EPB41L3: variants seen among roughly 807,000 people sequenced by gnomAD.
EPB41L3 encodes the protein band 4.1-like protein 3.
A neutral mutation model predicts 127.1 loss-of-function variants in EPB41L3; 57 were observed. That is an observed-to-expected ratio of 0.45 (90% CI 0.36 to 0.56). The LOEUF is 0.56. Among genes scored for constraint, EPB41L3 ranks in the 20% least tolerant of loss-of-function variants. The pLI, the probability that EPB41L3 is intolerant of heterozygous loss-of-function variation, is 0.00. For missense variants in EPB41L3, 1,273 were observed against 1,372.2 expected (o/e 0.93, Z 1.14); for synonymous variants, 572 against 549.5 (o/e 1.04, Z -0.57).
In EPB41L3 at chr18:5,395,690, A is replaced by T. The variant is rs144613208; in HGVS notation, c.2991T>A (p.Asp997Glu). 2.5e-5 allele frequency: 41 copies of T among 1,614,014 alleles called. No homozygotes were observed. Among genetic ancestry groups the T allele is most frequent in the Non-Finnish European group, 3.4e-5 (40 of 1,180,012 alleles). ...YESSQVDPGT[D>E]LEPGVLMSAQ... is the part of the protein sequence containing the mutation. ...CACTCATCAGCACGCCTGGCTCCAG[A>T]TCTGTGCCTGGATCGACCTAAAGCA... is the stretch of plus-strand genomic sequence containing the variant. Residue 997 changes from aspartate to glutamate, a missense_variant, in exon 20 of 23, where the codon GAT (aspartate) becomes GAA (glutamate). Physicochemically the swap from Asp to Glu is conservative, Grantham distance 45. Coordinates refer to ENST00000341928, the MANE Select transcript of EPB41L3 (RefSeq NM_012307.5).
In EPB41L3 at chr18:5,543,943, C is replaced by T. The variant is rs753381468; in HGVS notation, c.-42G>A. Reference sequence around the variant, plus strand: ...ATCAGCAGGGAGCCCGGGCGCGCCGCGGCGTGGGGACTAGGCTCGGGCGCG... The same window carrying T: ...ATCAGCAGGGAGCCCGGGCGCGCCGTGGCGTGGGGACTAGGCTCGGGCGCG... On this transcript the variant is annotated 5_prime_UTR_variant, in exon 1 of 23. Coordinates refer to ENST00000341928, the MANE Select transcript of EPB41L3 (RefSeq NM_012307.5). The surrounding 1 kb of genome is among the most constrained non-coding windows in gnomAD (Gnocchi z 5.2). 1.5e-5 allele frequency: 15 copies of T among 985,578 alleles called. No homozygotes were observed. The highest frequency in any genetic ancestry group is 1.7e-5 in the African/African-American group (1 of 57,214). The allele number at this position is 985,578 out of a possible 1,614,324, so 61.1% of individuals were successfully genotyped here.
chr18:5,457,602 T>C (rs186054597), intron 3 of EPB41L3, among the ~76,000 whole-genome samples: 141 of 152,324 alleles, frequency 9.3e-4, no homozygotes, highest in African/African-American at 3.2e-3. Context: ...CATCACGGTT[T>C]AGCTATCAGA....
chr18:5,421,295 G>T (rs1316453601), intron 11 of EPB41L3, among the ~76,000 whole-genome samples: 1 of 150,118 alleles, frequency 6.7e-6, no homozygotes, highest in Non-Finnish European at 1.5e-5. Flanking sequence ...GAACAAAGTG[G>T]ATGATATTCA....
rs988619145 is a variant in EPB41L3, at chr18:5,397,462, T to C, written c.2473-36A>G. 1 of 1,558,666 alleles carries C rather than the reference T, an allele frequency of 6.4e-7. No individual in the cohort carries two copies. Among genetic ancestry groups the C allele is most frequent in the African/African-American group, 1.4e-5 (1 of 73,236 alleles). On this transcript the variant is annotated intron_variant, in intron 17 of 22. Coordinates refer to ENST00000341928, the MANE Select transcript of EPB41L3 (RefSeq NM_012307.5). This position sits in a 1 kb window ranked among gnomAD's most constrained non-coding sequence, Gnocchi z 4.1. Reference sequence around the variant, plus strand: ...AGAGATTGTGGCATCAGTGTGACCATCCATAAACCAAAGGTCAGAAAATAA... The same window carrying C: ...AGAGATTGTGGCATCAGTGTGACCACCCATAAACCAAAGGTCAGAAAATAA...
At chr18:5,587,374 C>A (rs971820019) in intron 3 of EPB41L3, among the ~76,000 whole-genome samples, 1 of 152,142 alleles carries the variant, frequency 6.6e-6, no homozygotes, top group African/African-American at 2.4e-5. Flanking sequence ...ACCATGTTCA[C>A]ATAACTCTTA....
At chr18:5,618,923 A>G (rs1406251190) in intron 1 of EPB41L3, among the ~76,000 whole-genome samples, 1 of 152,214 alleles carries the variant, frequency 6.6e-6, no homozygotes, top group Non-Finnish European at 1.5e-5. Context: ...ACTTCAATAT[A>G]CAGTTTGATT....
chr18:5,629,933 G>A (rs895572391), upstream of EPB41L3, among the ~76,000 whole-genome samples: 1 of 152,200 alleles, frequency 6.6e-6, no homozygotes, highest in African/African-American at 2.4e-5. Context: ...GGAGGCAAGA[G>A]GGGGCGGAGG....
intron 6 of EPB41L3, 138 bp downstream of exon 6, chr18:5,437,897 G>C: frequency 1.5e-6 from 1 of 651,200 alleles, no homozygotes; most frequent in Non-Finnish European, 2.6e-6. Context: ...GTTTGCTCTC[G>C]TTCATTTGCC....
intron 1 of EPB41L3, among the ~76,000 whole-genome samples, chr18:5,540,835 A>G (rs28411669): frequency 0.14 from 21,954 of 152,104 alleles, 1,665 homozygotes; most frequent in Non-Finnish European, 0.17. Flanking sequence ...CTGTAATCCC[A>G]GCACTTTGGG....
chr18:5,595,636 C>T (rs1237135517), intron 3 of EPB41L3, among the ~76,000 whole-genome samples: 1 of 152,100 alleles, frequency 6.6e-6, no homozygotes, highest in Non-Finnish European at 1.5e-5. Flanking sequence ...AGGATGCATC[C>T]CACCCCAGCA....
chr18:5,505,475 T>A (rs2148580919), intron 1 of EPB41L3, among the ~76,000 whole-genome samples: 1 of 149,982 alleles, frequency 6.7e-6, no homozygotes, highest in South Asian at 2.1e-4. Context: ...CACACCTACA[T>A]CTCCTCCTCT....
chr18:5,414,875 G>C (rs933095597), intron 13 of EPB41L3, among the ~76,000 whole-genome samples: 1 of 152,206 alleles, frequency 6.6e-6, no homozygotes, highest in Non-Finnish European at 1.5e-5. Context: ...CCAATTGCTC[G>C]AGTCGGGGAC....
chr18:5,476,904 G>A (rs2087348023), intron 3 of EPB41L3, among the ~76,000 whole-genome samples: 1 of 152,180 alleles, frequency 6.6e-6, no homozygotes, highest in Admixed American at 6.5e-5. Context: ...CACGGTCCTT[G>A]GGGATTCCTG....
chr18:5,581,950 CTG>C (rs1442833273), intron 3 of EPB41L3, among the ~76,000 whole-genome samples: 1 of 152,176 alleles, frequency 6.6e-6, no homozygotes, highest in Non-Finnish European at 1.5e-5. Flanking sequence ...TGAGCTATGA[CTG>C]TACCGCTGCT....
At chr18:5,399,651 C>A (rs2074165988) in intron 16 of EPB41L3, 3 of 307,020 alleles carry the variant, frequency 9.8e-6, no homozygotes, top group African/African-American at 2.2e-5. Flanking sequence ...TTTTGAAGAA[C>A]AGATTTGCTC....
chr18:5,573,703 A>G (rs967641349), intron 3 of EPB41L3, among the ~76,000 whole-genome samples: 1 of 152,144 alleles, frequency 6.6e-6, no homozygotes, highest in Non-Finnish European at 1.5e-5. Context: ...ACCCATCAGG[A>G]CCCTCATCCC....
chr18:5,617,414 G>T (rs1237518960), intron 1 of EPB41L3, among the ~76,000 whole-genome samples: 1 of 151,588 alleles, frequency 6.6e-6, no homozygotes, highest in East Asian at 1.9e-4. Context: ...CGCCTCCCAG[G>T]TTCACGCCAT....
chr18:5,412,933 A>G (rs1022844666), intron 13 of EPB41L3, among the ~76,000 whole-genome samples: 1 of 151,886 alleles, frequency 6.6e-6, no homozygotes, highest in African/African-American at 2.4e-5. Flanking sequence ...TTTCTCAGCC[A>G]TACACAAATA....
chr18:5,586,339 GTAAA>G (rs1309527621), intron 3 of EPB41L3, among the ~76,000 whole-genome samples: 2 of 151,882 alleles, frequency 1.3e-5, no homozygotes, highest in Non-Finnish European at 2.9e-5. Flanking sequence ...GATATTATAA[GTAAA>G]TAGTCTAAAT....
Sources: allele counts gnomAD v4.1 joint callset (sites outside exome capture counted in the v4.1 genomes callset), GRCh38; gene constraint gnomAD v4.1.1; non-coding constraint Gnocchi (gnomAD v3.1); transcripts MANE v1.5; gene names NCBI Gene and HGNC (gene_info 2026-07-23, HGNC 2026-07-21).